NKAIN2: variants seen among roughly 807,000 people sequenced by gnomAD.
NKAIN2 encodes the protein sodium/potassium-transporting ATPase subunit beta-1-interacting protein 2.
A neutral mutation model predicts 32.6 loss-of-function variants in NKAIN2; 14 were observed. That is an observed-to-expected ratio of 0.43 (90% CI 0.28 to 0.67). NKAIN2 has a LOEUF of 0.67. NKAIN2 is among the 30% of genes least tolerant of loss of function. The pLI is 0.17. For missense variants in NKAIN2, 198 were observed against 258.3 expected, an observed-to-expected ratio of 0.77 and a Z score of 1.60; for synonymous variants, 80 against 87.2, an observed-to-expected ratio of 0.92 and a Z score of 0.46.
chr6:123,945,486 C>T (rs1777023056), intron 1 of NKAIN2, among the ~76,000 whole-genome samples: 1 of 151,974 alleles, frequency 6.6e-6, no homozygotes. Context: ...CTCTAAAGTT[C>T]CTCAAAATTA....
intron 4 of NKAIN2, among the ~76,000 whole-genome samples, chr6:124,748,853 T>A (rs200690661): frequency 1.4e-4 from 21 of 148,428 alleles, no homozygotes; most frequent in Middle Eastern, 7.0e-3. Flanking sequence ...ACTTCTAATT[T>A]AAAAAAAAAA....
chr6:124,274,989 A>C (rs954907973), intron 1 of NKAIN2, among the ~76,000 whole-genome samples: 9 of 152,100 alleles, frequency 5.9e-5, no homozygotes, highest in African/African-American at 2.2e-4. Flanking sequence ...TAAACAAAAA[A>C]CAAACAATAT....
chr6:123,863,511 G>A (rs1481415675), intron 1 of NKAIN2, among the ~76,000 whole-genome samples: 1 of 152,154 alleles, frequency 6.6e-6, no homozygotes, highest in African/African-American at 2.4e-5. Context: ...AGCCCTTCTT[G>A]GAGTTTCCAT....
At chr6:124,169,009 C>G (rs1278811880) in intron 1 of NKAIN2, among the ~76,000 whole-genome samples, 2 of 152,024 alleles carry the variant, frequency 1.3e-5, no homozygotes, top group African/African-American at 4.8e-5. Context: ...AAGTAAAATG[C>G]TCTTCTTGTA....
intron 1 of NKAIN2, among the ~76,000 whole-genome samples, chr6:123,941,386 A>G (rs914815043): frequency 2.0e-5 from 3 of 151,926 alleles, no homozygotes; most frequent in Non-Finnish European, 1.5e-5. Flanking sequence ...AGTGTTATAT[A>G]TACTGTACAT....
intron 3 of NKAIN2, among the ~76,000 whole-genome samples, chr6:124,477,928 T>C (rs1258822563): frequency 3.3e-5 from 5 of 151,008 alleles, no homozygotes; most frequent in Non-Finnish European, 5.9e-5. Context: ...TCCCTGTCAA[T>C]GCCAATGAAT....
chr6:123,812,270 G>C (rs1773508452), intron 1 of NKAIN2, among the ~76,000 whole-genome samples: 1 of 152,132 alleles, frequency 6.6e-6, no homozygotes, highest in South Asian at 2.1e-4. Flanking sequence ...TAATGATGCA[G>C]TCTACAAGTT....
intron 3 of NKAIN2, among the ~76,000 whole-genome samples, chr6:124,360,638 T>G (rs187918149): frequency 3.4e-4 from 52 of 152,134 alleles, no homozygotes; most frequent in African/African-American, 1.2e-3. Flanking sequence ...AACTTTTAAA[T>G]GTTATATCAT....
intron 1 of NKAIN2, among the ~76,000 whole-genome samples, chr6:123,822,077 A>G (rs1464236260): frequency 6.8e-6 from 1 of 146,258 alleles, no homozygotes; most frequent in Non-Finnish European, 1.5e-5. Context: ...CTAAAGAACT[A>G]TTGCTTAGGA....
At chr6:124,631,759 C>T (rs1489926701) in intron 3 of NKAIN2, among the ~76,000 whole-genome samples, 2 of 152,130 alleles carry the variant, frequency 1.3e-5, no homozygotes, top group Admixed American at 6.6e-5. Flanking sequence ...GAGGATCCCA[C>T]TTATTTCTTT....
intron 4 of NKAIN2, among the ~76,000 whole-genome samples, chr6:124,679,268 A>G (rs1773508230): frequency 6.6e-6 from 1 of 152,142 alleles, no homozygotes; most frequent in Non-Finnish European, 1.5e-5. Flanking sequence ...GGGTGGGACT[A>G]TGATGCATAA....
chr6:123,953,859 A>G (rs1018489102), intron 1 of NKAIN2, among the ~76,000 whole-genome samples: 1 of 152,314 alleles, frequency 6.6e-6, no homozygotes, highest in South Asian at 2.1e-4. Context: ...TGAGGAGGGC[A>G]GGTTTGCTTT....
chr6:124,141,021 C>T (rs1787107017), intron 1 of NKAIN2, among the ~76,000 whole-genome samples: 1 of 152,150 alleles, frequency 6.6e-6, no homozygotes. Context: ...CCAATAAGGA[C>T]AAAACTTGTA....
chr6:124,200,219 G>C (rs987724306), intron 1 of NKAIN2, among the ~76,000 whole-genome samples: 1 of 152,134 alleles, frequency 6.6e-6, no homozygotes, highest in East Asian at 1.9e-4. Flanking sequence ...GCCTAAGGCA[G>C]CCTATAGCTC....
chr6:124,498,552 A>G (rs1015562311), intron 3 of NKAIN2, among the ~76,000 whole-genome samples: 1 of 152,212 alleles, frequency 6.6e-6, no homozygotes, highest in African/African-American at 2.4e-5. Context: ...TAATTATATC[A>G]GCTAGATTAT....
intron 1 of NKAIN2, among the ~76,000 whole-genome samples, chr6:123,905,010 T>C (rs1291699928): frequency 6.6e-6 from 1 of 152,206 alleles, no homozygotes; most frequent in Non-Finnish European, 1.5e-5. Context: ...AAGAGGCTAA[T>C]TGCTATTCTA....
Position 124,304,153 on chromosome 6 carries a change from G to A in NKAIN2, c.192+21011G>A, listed in dbSNP as rs545004648. On this transcript the variant is annotated intron_variant, in intron 2 of 6. Transcript: ENST00000368417. ...AATATTGAATGGATACTAGAGACAC[G>A]GTAGATTTGTTTAGTCATCAGTATT... Among the ~76,000 whole-genome samples, 18 of 152,194 alleles carry A rather than the reference G, an allele frequency of 1.2e-4. No individual in the cohort carries two copies. In the South Asian group the frequency reaches 3.3e-3, roughly 28 times the overall value.
chr6:124,562,830 A>G (rs567497139), intron 3 of NKAIN2, among the ~76,000 whole-genome samples: 1 of 152,200 alleles, frequency 6.6e-6, no homozygotes, highest in Non-Finnish European at 1.5e-5. Flanking sequence ...TATGCCATAT[A>G]GCTTCGGAAA....
chr6:123,922,016 T>A (rs1245697892), intron 1 of NKAIN2, among the ~76,000 whole-genome samples: 1 of 152,200 alleles, frequency 6.6e-6, no homozygotes, highest in African/African-American at 2.4e-5. Context: ...ATGACTACGA[T>A]GCTGTGCCCA....
Sources: gnomAD v4.1 joint callset for allele counts (sites outside exome capture counted in the v4.1 genomes callset) on GRCh38, gnomAD v4.1.1 for gene constraint, MANE v1.5 for transcripts, NCBI Gene and HGNC (gene_info 2026-07-23, HGNC 2026-07-21) for gene names.